Variants in ALMS1 observed in about 807,000 individuals in gnomAD.
ALMS1 encodes the protein ALMS1 centrosome and basal body associated protein.
Under a neutral mutation model 352.2 loss-of-function variants are expected in ALMS1, and 271 were observed. The observed-to-expected ratio is 0.77, with a 90% CI of 0.70 to 0.85. ALMS1 has a LOEUF of 0.85. Among genes scored for constraint, ALMS1 ranks in the 40% least tolerant of loss-of-function variants. The pLI is 0.00. For synonymous variants in ALMS1, 1,865 were observed against 1,761.2 expected, an observed-to-expected ratio of 1.06 and a Z score of -1.48; for missense variants, 5,445 against 4,870.7, an observed-to-expected ratio of 1.12 and a Z score of -3.51.
intron 7 of ALMS1, among the ~76,000 whole-genome samples, chr2:73,436,317 C>G (rs893186275): frequency 2.6e-5 from 4 of 152,128 alleles, no homozygotes; most frequent in Non-Finnish European, 4.4e-5. Context: ...TGCTCTTTGT[C>G]TTTCACTTTC....
At chr2:73,535,681 G>A (rs1674012595) in intron 12 of ALMS1, among the ~76,000 whole-genome samples, 1 of 152,164 alleles carries the variant, frequency 6.6e-6, no homozygotes, top group Non-Finnish European at 1.5e-5. Context: ...GAGGTGCAGA[G>A]TTAGGAAATG....
At chr2:73,387,706 G>A (rs1474982350) in intron 1 of ALMS1, among the ~76,000 whole-genome samples, 2 of 152,208 alleles carry the variant, frequency 1.3e-5, no homozygotes, top group African/African-American at 4.8e-5. Flanking sequence ...TGTATGATAA[G>A]TTAGGTGTTT....
chr2:73,420,652 G>A (rs1428156036), intron 3 of ALMS1, among the ~76,000 whole-genome samples: 1 of 152,148 alleles, frequency 6.6e-6, no homozygotes, highest in African/African-American at 2.4e-5. Context: ...GCAAAATTCT[G>A]TATTAGGATT....
chr2:73,400,888 G>A (rs1263371226), intron 1 of ALMS1, among the ~76,000 whole-genome samples: 2 of 152,112 alleles, frequency 1.3e-5, no homozygotes, highest in East Asian at 3.8e-4. Flanking sequence ...CTGGGTTCAA[G>A]CGATTCTTGT....
At chr2:73,500,278 A>C (rs930446961) in intron 10 of ALMS1, among the ~76,000 whole-genome samples, 2 of 152,150 alleles carry the variant, frequency 1.3e-5, no homozygotes, top group African/African-American at 4.8e-5. Context: ...TGTTGTTCCA[A>C]GTCCATTCAG....
chr2:73,606,983 G>A (rs955851884), intron 21 of ALMS1, among the ~76,000 whole-genome samples: 2 of 152,278 alleles, frequency 1.3e-5, no homozygotes, highest in East Asian at 1.9e-4. Context: ...TGTGTTTCCC[G>A]CAGAGCCCTC....
At position 73,490,272 on chromosome 2, in the gene ALMS1, T is replaced by C. The variant is rs1558666967; in HGVS notation, c.8313T>C (p.Pro2771=). The change falls in exon 10 of 23, where the codon CCT becomes CCC. Residue 2771 remains proline (P), a synonymous_variant. Coordinates refer to ENST00000613296, the MANE Select transcript of ALMS1 (RefSeq NM_001378454.1). ...PRDLKQKTSS[P]SSFKMHSNSQ... is the part of the protein sequence containing the mutation. ...ATCTTAAACAGAAAACCTCTTCCCCTTCATCATTTAAAATGCATAGTAATT... is the reference window on the plus strand; with the variant it reads ...ATCTTAAACAGAAAACCTCTTCCCCCTCATCATTTAAAATGCATAGTAATT... 1.9e-6 allele frequency: 3 copies of C among 1,613,808 alleles called. No individual in the cohort carries two copies. Among genetic ancestry groups the C allele is most frequent in the Non-Finnish European group, 2.5e-6 (3 of 1,179,924 alleles).
chr2:73,579,063 C>CTTTTTTGTTTTTTTTT (rs1675113686), intron 16 of ALMS1, among the ~76,000 whole-genome samples: 1 of 119,142 alleles, frequency 8.4e-6, no homozygotes, highest in East Asian at 2.2e-4. Flanking sequence ...CTCCTTTATT[C>CTTTTTTGTTTTTTTTT]TTTTTTTATT....
intron 3 of ALMS1, among the ~76,000 whole-genome samples, chr2:73,420,922 A>G (rs956727036): frequency 1.3e-5 from 2 of 152,204 alleles, no homozygotes; most frequent in African/African-American, 4.8e-5. Flanking sequence ...TACCTCAAAA[A>G]AGAGGGATGC....
Position 73,601,411 on chromosome 2 carries a change from G to A in ALMS1, c.12089G>A (p.Arg4030Lys), listed in dbSNP as rs1052161. ...AGAGAGGCTGGCAGAGACCTACTGA[G>A]GCCATTTGTGAGAGCAACCCTTCAG... ...PGREAGRDLL[R>K]PFVRATLQES... Residue 4030 changes from arginine to lysine, a missense_variant, in exon 19 of 23, where the codon AGG becomes AAG. Coordinates refer to ENST00000613296, the MANE Select transcript of ALMS1 (RefSeq NM_001378454.1). 1,009,428 of 1,613,740 alleles carry A rather than the reference G, an allele frequency of 0.63. 320,677 individuals are homozygous for A. Among genetic ancestry groups the A allele is most frequent in the East Asian group, 0.74 (32,968 of 44,846 alleles).
chr2:73,598,567 G>A (rs1675602375), intron 16 of ALMS1, among the ~76,000 whole-genome samples: 1 of 152,122 alleles, frequency 6.6e-6, no homozygotes, highest in African/African-American at 2.4e-5. Context: ...GATCAGATAT[G>A]CTCAGTTTCC....
rs1203221115 is a variant in ALMS1, at chr2:73,448,172, G to C, written c.1645G>C (p.Glu549Gln). 1.2e-6 allele frequency: 2 copies of C among 1,613,890 alleles called. No individual in the cohort carries two copies. The highest frequency in any genetic ancestry group is 1.7e-6 in the Non-Finnish European group (2 of 1,179,932). Residue 549 changes from glutamate (E) to glutamine (Q), a missense_variant, in exon 8 of 23, where the codon GAA (glutamate) becomes CAA (glutamine). Transcript: ENST00000613296. ...GACATTAGCAGATACTCATCTAACT[G>C]AAGAGACTCTGAAAGTCACAGCTAT... ...QKTLADTHLTEETLKVTAIPE... is the reference protein window; with the variant it reads ...QKTLADTHLTQETLKVTAIPE...
intron 1 of ALMS1, among the ~76,000 whole-genome samples, chr2:73,389,724 C>G (rs1670604453): frequency 6.6e-6 from 1 of 152,042 alleles, no homozygotes; most frequent in Non-Finnish European, 1.5e-5. Flanking sequence ...AAGTCTTGCT[C>G]TGTTGCCCAG....
chr2:73,387,818 C>T (rs919723026), intron 1 of ALMS1, among the ~76,000 whole-genome samples: 20 of 152,116 alleles, frequency 1.3e-4, no homozygotes, highest in Non-Finnish European at 2.4e-4. Flanking sequence ...GAGACCATTG[C>T]AGCATTGCCC....
At chr2:73,390,649 ATTCC>A (rs1670625322) in intron 1 of ALMS1, among the ~76,000 whole-genome samples, 1 of 152,178 alleles carries the variant, frequency 6.6e-6, no homozygotes, top group Non-Finnish European at 1.5e-5. Context: ...ACTTCTTGTA[ATTCC>A]TTAACCTGAA....
chr2:73,535,806 A>T (rs1221549993), intron 12 of ALMS1, among the ~76,000 whole-genome samples: 2 of 152,126 alleles, frequency 1.3e-5, no homozygotes, highest in East Asian at 3.8e-4. Flanking sequence ...TGAGTTGTCG[A>T]CGGGATATGA....
Position 73,453,033 on chromosome 2 carries a change from C to T in ALMS1, c.6506C>T (p.Ser2169Leu), listed in dbSNP as rs368833782. 40 of 1,613,644 alleles carry T rather than the reference C, an allele frequency of 2.5e-5. No individual in the cohort carries two copies. The South Asian group carries it at 3.8e-4, about 16-fold the overall frequency. Residue 2169 changes from serine to leucine, a missense_variant, in exon 8 of 23, where the codon TCA (serine) becomes TTA (leucine). Physicochemically the swap from Ser to Leu is moderately radical, Grantham distance 145. Coordinates refer to ENST00000613296, the MANE Select transcript of ALMS1 (RefSeq NM_001378454.1). ...CTAACTGAAGATGCTCTAAAGATCT[C>T]AAGTGCTCTTGGGCAAGCTGATCAA... is the stretch of plus-strand genomic sequence containing the variant. ...RHLTEDALKI[S>L]SALGQADQIT...
chr2:73,442,846 C>A (rs906691271), intron 7 of ALMS1, among the ~76,000 whole-genome samples: 1 of 152,144 alleles, frequency 6.6e-6, no homozygotes. Context: ...TTGTATCTGA[C>A]TACTATGAAA....
chr2:73,458,330 T>A (rs1672116560), intron 9 of ALMS1: 1 of 152,170 alleles, frequency 6.6e-6, no homozygotes, highest in Non-Finnish European at 1.5e-5. Context: ...AGGTATGTAA[T>A]ATCCCATTGT....
Sources: allele counts gnomAD v4.1 joint callset (sites outside exome capture counted in the v4.1 genomes callset), GRCh38; gene constraint gnomAD v4.1.1; transcripts MANE v1.5; gene names NCBI Gene and HGNC (gene_info 2026-07-23, HGNC 2026-07-21).